The following MEIS2 variants were observed in gnomAD, a reference collection of about 807,000 sequenced individuals.
The protein encoded by MEIS2 is homeobox protein Meis2.
MEIS2 carries 9 observed loss-of-function variants against 58.6 expected under a neutral mutation model. The ratio of observed to expected loss-of-function variants is 0.15; its 90% CI spans 0.09 to 0.27. The LOEUF is 0.27. Among genes scored for constraint, MEIS2 ranks in the 10% least tolerant of loss-of-function variants. The pLI, the probability that MEIS2 is intolerant of heterozygous loss-of-function variation, is 1.00. For missense variants in MEIS2, 427 were observed against 635.0 expected, an observed-to-expected ratio of 0.67 and a Z score of 3.52; for synonymous variants, 221 against 228.4, an observed-to-expected ratio of 0.97 and a Z score of 0.29.
chr15:36,996,038 C>T lies in MEIS2; in HGVS notation c.900+40776G>A, dbSNP rs1354489430. 5.7e-4 allele frequency among the ~76,000 whole-genome samples: 59 copies of T among 103,896 alleles called. 1 individual carries two copies. Among genetic ancestry groups the T allele is most frequent in the African/African-American group, 1.3e-3 (43 of 32,980 alleles). 68.2% of individuals were successfully genotyped at this position (103,896 alleles called of 152,430 possible). On this transcript the variant is annotated intron_variant, in intron 8 of 11. Transcript: ENST00000561208. ...ATACATATGTGTATATATATACACA[C>T]ACACACACATATATATATACACACA...
At chr15:37,030,666 T>G (rs2061881167) in intron 8 of MEIS2, among the ~76,000 whole-genome samples, 1 of 151,756 alleles carries the variant, frequency 6.6e-6, no homozygotes, top group Non-Finnish European at 1.5e-5. Context: ...TATTATTTTT[T>G]CTTTGAGACA....
chr15:36,953,730 T>G (rs1259306049), intron 8 of MEIS2, among the ~76,000 whole-genome samples: 1 of 152,240 alleles, frequency 6.6e-6, no homozygotes, highest in Non-Finnish European at 1.5e-5. Context: ...CATGTATGGC[T>G]TATGACTTCA....
At chr15:37,087,000 T>C (rs752380905) in intron 6 of MEIS2, among the ~76,000 whole-genome samples, 2 of 152,162 alleles carry the variant, frequency 1.3e-5, no homozygotes, top group Non-Finnish European at 2.9e-5. Flanking sequence ...TTTCCATCCT[T>C]CAAGAAAAAT....
rs555033564 is a variant in MEIS2 at position 36,988,675 on chromosome 15, C to T, written c.901-38275G>A. ...GAAATTTACAATAAATACCCATTAG[C>T]TATGGAAATATCTTAAAACAATAAC... On this transcript the variant is annotated intron_variant, in intron 8 of 11. Coordinates refer to ENST00000561208, the MANE Select transcript of MEIS2 (RefSeq NM_170675.5). 2.8e-4 allele frequency among the ~76,000 whole-genome samples: 43 copies of T among 152,264 alleles called. No homozygotes were observed. In the South Asian group the frequency reaches 8.3e-3, roughly 29 times the overall value.
chr15:37,063,766 C>T (rs914283439), intron 7 of MEIS2, among the ~76,000 whole-genome samples: 2 of 152,118 alleles, frequency 1.3e-5, no homozygotes, highest in Non-Finnish European at 2.9e-5. Flanking sequence ...TTCCAGATGG[C>T]ACTCTTTAAA....
intron 8 of MEIS2, among the ~76,000 whole-genome samples, chr15:37,029,198 G>A (rs891461497): frequency 6.6e-6 from 1 of 152,154 alleles, no homozygotes; most frequent in Non-Finnish European, 1.5e-5. Flanking sequence ...CTGCATGTTT[G>A]TGGGAAGCTC....
At chr15:36,916,609 T>C (rs1392682250) in intron 9 of MEIS2, among the ~76,000 whole-genome samples, 2 of 152,008 alleles carry the variant, frequency 1.3e-5, no homozygotes, top group South Asian at 4.2e-4. Flanking sequence ...TTTTTAAATT[T>C]TTTTGTAGAG....
At chr15:37,010,383 G>A (rs994601968) in intron 8 of MEIS2, among the ~76,000 whole-genome samples, 1 of 150,648 alleles carries the variant, frequency 6.6e-6, no homozygotes, top group African/African-American at 2.4e-5. Context: ...CACCACGCCC[G>A]GCCTATTTCT....
chr15:36,996,913 T>G (rs1238573607), intron 8 of MEIS2, among the ~76,000 whole-genome samples: 1 of 152,188 alleles, frequency 6.6e-6, no homozygotes, highest in Non-Finnish European at 1.5e-5. Context: ...CCCTTACCAT[T>G]TACTCTGAGA....
chr15:37,071,114 C>T (rs1890647946), intron 7 of MEIS2, among the ~76,000 whole-genome samples: 1 of 152,006 alleles, frequency 6.6e-6, no homozygotes, highest in Non-Finnish European at 1.5e-5. Context: ...ATTCAATGTC[C>T]TTCACAATAT....
chr15:36,976,086 T>C (rs1595852875), intron 8 of MEIS2, among the ~76,000 whole-genome samples: 1 of 152,082 alleles, frequency 6.6e-6, no homozygotes, highest in Non-Finnish European at 1.5e-5. Context: ...ATAAAGAGTT[T>C]TATTTTATTT....
intron 1 of MEIS2, chr15:37,098,496 C>T: frequency 1.3e-6 from 1 of 761,998 alleles, no homozygotes; most frequent in Non-Finnish European, 1.8e-6. Flanking sequence ...GAAACCAAAC[C>T]AGCCAAAACA....
rs140724813 is a variant in MEIS2 at position 37,050,355 on chromosome 15, G to A, written c.755-13396C>T. Reference sequence around the variant, plus strand: ...GGCTTTTATTAAATGAATGGATGGAGGGCTCTCTTATTTCTTGAAATATGC... The same window carrying A: ...GGCTTTTATTAAATGAATGGATGGAAGGCTCTCTTATTTCTTGAAATATGC... On this transcript the variant is annotated intron_variant, in intron 7 of 11. Coordinates refer to ENST00000561208, the MANE Select transcript of MEIS2 (RefSeq NM_170675.5). Among the ~76,000 whole-genome samples the A allele has an allele frequency of 2.6e-3, 397 of 152,246 alleles. 3 individuals are homozygous for A. The highest frequency in any genetic ancestry group is 9.2e-3 in the African/African-American group (383 of 41,536).
intron 8 of MEIS2, among the ~76,000 whole-genome samples, chr15:37,025,055 A>T (rs2061655156): frequency 6.6e-6 from 1 of 152,186 alleles, no homozygotes; most frequent in African/African-American, 2.4e-5. Context: ...TTTCTCTTGC[A>T]CATGTGCTAT....
intron 9 of MEIS2, among the ~76,000 whole-genome samples, chr15:36,916,803 A>G (rs1266606847): frequency 6.6e-6 from 1 of 152,190 alleles, no homozygotes. Context: ...TATAATTAAC[A>G]TTTATTGAGC....
chr15:36,889,597 A>C lies in MEIS2; in HGVS notation c.*2576T>G, dbSNP rs1261695001. 2 of 152,210 alleles carry C rather than the reference A, an allele frequency of 1.3e-5. No individual in the cohort carries two copies. The highest frequency in any genetic ancestry group is 1.3e-4 in the Admixed American group (2 of 15,276). The allele number at this position is 152,210 out of a possible 1,614,324, so 9.4% of individuals were successfully genotyped here. ...CTTTATTCATTAAAACCAAGAGTTG[A>C]GAGCTCTGGTCTCTAAACTTCAATG... On this transcript the variant is annotated 3_prime_UTR_variant, in exon 12 of 12. Coordinates refer to ENST00000561208, the MANE Select transcript of MEIS2 (RefSeq NM_170675.5).
chr15:36,948,060 A>G (rs749374021), intron 9 of MEIS2, among the ~76,000 whole-genome samples: 5 of 151,906 alleles, frequency 3.3e-5, no homozygotes, highest in Non-Finnish European at 7.4e-5. Flanking sequence ...CTTATTATCA[A>G]AGTTACGGTA....
At chr15:36,916,842 T>A (rs2057300863) in intron 9 of MEIS2, among the ~76,000 whole-genome samples, 1 of 152,196 alleles carries the variant, frequency 6.6e-6, no homozygotes, top group South Asian at 2.1e-4. Flanking sequence ...CATACATGTA[T>A]CCTCTTATGA....
chr15:36,930,505 G>A (rs897719818), intron 9 of MEIS2, among the ~76,000 whole-genome samples: 9 of 152,142 alleles, frequency 5.9e-5, no homozygotes, highest in South Asian at 2.1e-4. Flanking sequence ...AAAGACCCTC[G>A]ATGAGCGATA....
Sources: gnomAD v4.1 joint callset for allele counts (sites outside exome capture counted in the v4.1 genomes callset) on GRCh38, gnomAD v4.1.1 for gene constraint, MANE v1.5 for transcripts, NCBI Gene and HGNC (gene_info 2026-07-23, HGNC 2026-07-21) for gene names.